CARMIL2: variants seen among roughly 807,000 people sequenced by gnomAD.
CARMIL2 encodes the protein capping protein, Arp2/3 and myosin-I linker protein 2.
Under a neutral mutation model 173.3 loss-of-function variants are expected in CARMIL2, and 96 were observed. The ratio of observed to expected loss-of-function variants is 0.55; its 90% CI spans 0.47 to 0.66. The LOEUF is 0.66. Ranked by LOEUF, CARMIL2 falls within the 30% of genes least tolerant of loss-of-function variation. The probability of loss-of-function intolerance (pLI) is 0.00; values close to 1 mark genes in which losing one functional copy is unlikely to be tolerated. For missense variants in CARMIL2, 1,771 were observed against 1,906.7 expected (o/e 0.93, Z 1.33); for synonymous variants, 830 against 817.1 (o/e 1.02, Z -0.27).
chr16:67,652,653 C>A lies in CARMIL2; in HGVS notation c.2884+115C>A, dbSNP rs2052748928. On this transcript the variant is annotated intron_variant, in intron 28 of 37. Coordinates refer to ENST00000334583, the MANE Select transcript of CARMIL2 (RefSeq NM_001013838.3). The surrounding 1 kb of genome is among the most constrained non-coding windows in gnomAD (Gnocchi z 4.7). ...AGCCTTGTCTGGGTACCCACCAGCCCTTGACTGGGCCAGGTCGGGCCCCTT... is the reference window on the plus strand; with the variant it reads ...AGCCTTGTCTGGGTACCCACCAGCCATTGACTGGGCCAGGTCGGGCCCCTT... 9.6e-7 allele frequency: 1 copy of A among 1,037,506 alleles called. No homozygotes were observed. The highest frequency in any genetic ancestry group is 2.6e-5 in the East Asian group (1 of 38,660). 64.3% of individuals were successfully genotyped at this position (1,037,506 alleles called of 1,614,324 possible).
chr16:67,657,505 G>A lies in CARMIL2; in HGVS notation c.4295G>A (p.Gly1432Asp), dbSNP rs200217509. ...PSPATDQRGGGPNP is the reference protein window; with the variant it reads ...PSPATDQRGGDPNP ...CCAGCCACAGACCAAAGAGGCGGCG[G>A]CCCCAATCCCTGATCCTCTCCTCTC... Residue 1432 changes from glycine (G) to aspartate (D), a missense_variant, in exon 38 of 38, where the codon GGC (glycine) becomes GAC (aspartate). Physicochemically the swap from Gly to Asp is moderately conservative, Grantham distance 94 (BLOSUM62 -1). Around this residue, in one of 3 missense-constraint regions of CARMIL2, gnomAD observed 817 missense variants for 903.5 expected, o/e 0.90. Transcript: ENST00000334583. This position sits in a 1 kb window ranked among gnomAD's most constrained non-coding sequence, Gnocchi z 4.5. The A allele has an allele frequency of 2.4e-5, 39 of 1,613,188 alleles. No homozygotes were observed. The East Asian group carries it at 8.5e-4, about 35-fold the overall frequency.
In CARMIL2 at chr16:67,648,790, G is replaced by T; in HGVS notation, c.1509+36G>T. 1 of 1,576,984 alleles carries T rather than the reference G, an allele frequency of 6.3e-7. No homozygotes were observed. Among genetic ancestry groups the T allele is most frequent in the Non-Finnish European group, 8.6e-7 (1 of 1,162,020 alleles). ...GCCCCCAGAAGAGACCACACATTGG[G>T]AGAGGCGCTGGGAGGCGGAAGGGCA... On this transcript the variant is annotated intron_variant, in intron 16 of 37. Transcript: ENST00000334583. The surrounding 1 kb of genome is among the most constrained non-coding windows in gnomAD (Gnocchi z 6.1).
In CARMIL2 at chr16:67,654,093, G is replaced by C. The variant is rs867897872; in HGVS notation, c.3121-56G>C. 1.2e-4 allele frequency: 123 copies of C among 1,068,994 alleles called. 3 individuals are homozygous for C. The highest frequency in any genetic ancestry group is 9.0e-4 in the South Asian group (56 of 61,964). 66.2% of individuals were successfully genotyped at this position (1,068,994 alleles called of 1,614,324 possible). On this transcript the variant is annotated intron_variant, in intron 29 of 37. Transcript: ENST00000334583. The stretch of plus-strand genomic sequence containing the variant: ...CAGGCTGCCGGCCGGGGGGGGGGGG[G>C]GGTAGAAGCCAGAGTTGCACTCAAC...
At position 67,648,216 on chromosome 16, in the gene CARMIL2, A is replaced by G. The variant is rs953011455; in HGVS notation, c.1236A>G (p.Val412=). 6.2e-7 allele frequency: 1 copy of G among 1,603,410 alleles called. No homozygotes were observed. Among genetic ancestry groups the G allele is most frequent in the Non-Finnish European group, 8.5e-7 (1 of 1,176,176 alleles). The change falls in exon 14 of 38, where the codon GTA becomes GTG. Residue 412 remains valine, a synonymous_variant. Transcript: ENST00000334583. The surrounding 1 kb of genome is among the most constrained non-coding windows in gnomAD (Gnocchi z 6.1). ...GAGGGCTCGGTCCCCCCGCGGGTGT[A>G]GCCAACAGCCTCCCCCCGCAGCTCT... ...GRGGLGPPAG[V]ANSLPPQLFA... is the part of the protein sequence containing the mutation.
chr16:67,646,399 G>GC lies in CARMIL2; in HGVS notation c.375-22dup. On this transcript the variant is annotated intron_variant, in intron 5 of 37. Transcript: ENST00000334583. This position sits in a 1 kb window ranked among gnomAD's most constrained non-coding sequence, Gnocchi z 4.6. ...CCATCCCAGAGGCTGGAAGTCCTTTGCCCCCTTCTCCTTAACCCCCTACCA... is the reference window on the plus strand; with the variant it reads ...CCATCCCAGAGGCTGGAAGTCCTTTGCCCCCCTTCTCCTTAACCCCCTACCA... 10 of 1,609,556 alleles carry GC rather than the reference G, an allele frequency of 6.2e-6. No homozygotes were observed. Among genetic ancestry groups the GC allele is most frequent in the Non-Finnish European group, 8.5e-6 (10 of 1,177,134 alleles).
rs1469876755 is a variant in CARMIL2 at position 67,645,210 on chromosome 16, G to A, written c.-37G>A. 2.6e-6 allele frequency: 4 copies of A among 1,540,588 alleles called. No individual in the cohort carries two copies. Among genetic ancestry groups the A allele is most frequent in the South Asian group, 2.4e-5 (2 of 84,288 alleles). ...GCGCGCTCGTCCTCTGCTGTTTCCC[G>A]CCGGAGCTCGTTGGGCCTCCCCGGC... is the stretch of plus-strand genomic sequence containing the variant. On this transcript the variant is annotated 5_prime_UTR_variant, in exon 1 of 38. Transcript: ENST00000334583.
In CARMIL2 at chr16:67,653,968, G is replaced by T. The variant is rs2052779433; in HGVS notation, c.3121-181G>T. Among the ~76,000 whole-genome samples, 1 of 151,978 alleles carries T rather than the reference G, an allele frequency of 6.6e-6. No individual in the cohort carries two copies. The highest frequency in any genetic ancestry group is 2.4e-5 in the African/African-American group (1 of 41,372). ...CGGGAGCCAGCAGCGAGTGAGGAGTGCGTGAAATCTGGAGTCTCTGTCCAG... is the reference window on the plus strand; with the variant it reads ...CGGGAGCCAGCAGCGAGTGAGGAGTTCGTGAAATCTGGAGTCTCTGTCCAG... On this transcript the variant is annotated intron_variant, in intron 29 of 37. Transcript: ENST00000334583. The surrounding 1 kb of genome is among the most constrained non-coding windows in gnomAD (Gnocchi z 7.4).
Position 67,654,261 on chromosome 16 carries a change from G to T in CARMIL2, c.3221+12G>T, listed in dbSNP as rs1431108370. 3.2e-6 allele frequency: 5 copies of T among 1,559,138 alleles called. No individual in the cohort carries two copies. The highest frequency in any genetic ancestry group is 4.4e-6 in the Non-Finnish European group (5 of 1,146,966). The stretch of plus-strand genomic sequence containing the variant: ...CAGCAGGATCGCCTGTGAGTGAGGG[G>T]CATCTGCTGGGGGTGGGAGAGGGTG... On this transcript the variant is annotated intron_variant, in intron 30 of 37. Coordinates refer to ENST00000334583, the MANE Select transcript of CARMIL2 (RefSeq NM_001013838.3).
Position 67,657,098 on chromosome 16 carries a change from G to T in CARMIL2, c.4118-141G>T. ...GAAGAGCAGCCTCTGCCAGGGGTGAGGACGCAGGGACGGGGGATGCTCTGA... is the reference window on the plus strand; with the variant it reads ...GAAGAGCAGCCTCTGCCAGGGGTGATGACGCAGGGACGGGGGATGCTCTGA... On this transcript the variant is annotated intron_variant, in intron 36 of 37. Transcript: ENST00000334583. This position sits in a 1 kb window ranked among gnomAD's most constrained non-coding sequence, Gnocchi z 4.5. 1.2e-6 allele frequency: 1 copy of T among 832,512 alleles called. No individual in the cohort carries two copies. Among genetic ancestry groups the T allele is most frequent in the Non-Finnish European group, 1.9e-6 (1 of 516,802 alleles). 51.6% of individuals were successfully genotyped at this position (832,512 alleles called of 1,614,324 possible). A position where few individuals can be genotyped will look rare whatever the true frequency, so the allele number is the denominator to read the frequency against.
Position 67,649,790 on chromosome 16 carries a change from G to A in CARMIL2, c.1920-16G>A. On this transcript the variant is annotated splice_polypyrimidine_tract_variant and intron_variant, in intron 20 of 37. Coordinates refer to ENST00000334583, the MANE Select transcript of CARMIL2 (RefSeq NM_001013838.3). This position sits in a 1 kb window ranked among gnomAD's most constrained non-coding sequence, Gnocchi z 6.7. ...TTGGGAAGCTCCGTCCCCGACTGAA[G>A]CCAGGCCCGGCCCAGGTCTGTGGTC... The A allele has an allele frequency of 6.2e-7, 1 of 1,605,926 alleles. No homozygotes were observed. Among genetic ancestry groups the A allele is most frequent in the Admixed American group, 1.7e-5 (1 of 59,762 alleles).
chr16:67,649,510 G>T lies in CARMIL2; in HGVS notation c.1810G>T (p.Ala604Ser). 6.2e-7 allele frequency: 1 copy of T among 1,608,828 alleles called. No homozygotes were observed. Residue 604 changes from alanine to serine, a missense_variant, in exon 20 of 38, where the codon GCC (alanine) becomes TCC (serine). By Grantham distance (99) the Ala-to-Ser change is moderately conservative (BLOSUM62 1). Transcript: ENST00000334583. This position sits in a 1 kb window ranked among gnomAD's most constrained non-coding sequence, Gnocchi z 6.7. ...LKLGASVLLRALATNPNLTAL... is the reference protein window; with the variant it reads ...LKLGASVLLRSLATNPNLTAL... Reference sequence around the variant, plus strand: ...GCTGGGTGCCAGCGTCCTACTCCGGGCCCTAGCCACCAATCCTAACCTGAC... The same window carrying T: ...GCTGGGTGCCAGCGTCCTACTCCGGTCCCTAGCCACCAATCCTAACCTGAC...
intron 3 of CARMIL2, 39 bp downstream of exon 3, chr16:67,645,816 A>G (rs1431942905): frequency 1.2e-6 from 2 of 1,607,628 alleles, no homozygotes; most frequent in Non-Finnish European, 1.7e-6. Flanking sequence ...GCCCGCCAGC[A>G]GCTACCTTGG....
rs1272309456 is a variant in CARMIL2 at position 67,646,699 on chromosome 16, CT to C, written c.467-14del. On this transcript the variant is annotated splice_polypyrimidine_tract_variant and intron_variant, in intron 6 of 37. Coordinates refer to ENST00000334583, the MANE Select transcript of CARMIL2 (RefSeq NM_001013838.3). The surrounding 1 kb of genome is among the most constrained non-coding windows in gnomAD (Gnocchi z 4.6). ...CTCTCTCCTTTTCCACATCGCACCC[CT>C]ATCCCCTCCCCAGGTGGCTTCTTGG... 2.5e-6 allele frequency: 4 copies of C among 1,613,650 alleles called. No homozygotes were observed. Among genetic ancestry groups the C allele is most frequent in the Non-Finnish European group, 3.4e-6 (4 of 1,179,580 alleles).
Position 67,651,621 on chromosome 16 carries a change from GC to G in CARMIL2, c.2428-62del. ...GACTCAATATTCTGTTGGAGTTGGA[GC>G]CTCAAGCCAGCAGCCTGGTGTCTGG... On this transcript the variant is annotated intron_variant, in intron 24 of 37. Transcript: ENST00000334583. The surrounding 1 kb of genome is among the most constrained non-coding windows in gnomAD (Gnocchi z 4.2). The G allele has an allele frequency of 6.3e-7, 1 of 1,578,270 alleles. No individual in the cohort carries two copies. The highest frequency in any genetic ancestry group is 8.6e-7 in the Non-Finnish European group (1 of 1,162,864).
rs759586582 is a variant in CARMIL2, at chr16:67,654,616, C to T, written c.3506C>T (p.Thr1169Ile). The T allele has an allele frequency of 4.4e-6, 7 of 1,599,698 alleles. No homozygotes were observed. The highest frequency in any genetic ancestry group is 1.7e-5 in the Admixed American group (1 of 58,530). ...DPAGRSRPRY[T>I]RDSKAYSMIL... ...GCCGGCAGGAGCCGACCTCGCTACACAAGAGATAGCAAGGCCTACTCGATG... is the reference window on the plus strand; with the variant it reads ...GCCGGCAGGAGCCGACCTCGCTACATAAGAGATAGCAAGGCCTACTCGATG... Residue 1169 changes from threonine to isoleucine, a missense_variant, in exon 31 of 38, where the codon ACA becomes ATA. Transcript: ENST00000334583.
intron 1 of CARMIL2, 81 bp from the exon 2 acceptor site, chr16:67,645,459 G>A: frequency 2.1e-6 from 3 of 1,424,806 alleles, no homozygotes; most frequent in Non-Finnish European, 2.9e-6. Flanking sequence ...TAAGCCCCAG[G>A]GCCCCAGCCT....
Position 67,649,202 on chromosome 16 carries a change from C to T in CARMIL2, c.1688+30C>T, listed in dbSNP as rs2052665887. Reference sequence around the variant, plus strand: ...GCCCCCACCCTACTCCTGGGCCTCCCAGACAACACCCCACCACCCCTGTCC... The same window carrying T: ...GCCCCCACCCTACTCCTGGGCCTCCTAGACAACACCCCACCACCCCTGTCC... On this transcript the variant is annotated intron_variant, in intron 18 of 37. Coordinates refer to ENST00000334583, the MANE Select transcript of CARMIL2 (RefSeq NM_001013838.3). This position sits in a 1 kb window ranked among gnomAD's most constrained non-coding sequence, Gnocchi z 6.7. The T allele has an allele frequency of 6.2e-7, 1 of 1,612,786 alleles. No homozygotes were observed. The highest frequency in any genetic ancestry group is 1.1e-5 in the South Asian group (1 of 90,964).
intron 32 of CARMIL2, among the ~76,000 whole-genome samples, chr16:67,655,817 C>A (rs903488679): frequency 6.6e-6 from 1 of 152,012 alleles, no homozygotes; most frequent in Non-Finnish European, 1.5e-5. Flanking sequence ...TCTTAAAAAA[C>A]AAAAAACAAA....
Position 67,657,325 on chromosome 16 carries a change from G to T in CARMIL2, c.4195+9G>T. On this transcript the variant is annotated intron_variant, in intron 37 of 37. Transcript: ENST00000334583. This position sits in a 1 kb window ranked among gnomAD's most constrained non-coding sequence, Gnocchi z 4.5. Reference sequence around the variant, plus strand: ...TCCATCCCCAAGCCTAGGTAAGAGGGGGTCCAGGCCAGCTGGGAGGGTGGC... The same window carrying T: ...TCCATCCCCAAGCCTAGGTAAGAGGTGGTCCAGGCCAGCTGGGAGGGTGGC... 6.2e-7 allele frequency: 1 copy of T among 1,613,482 alleles called. No individual in the cohort carries two copies. The highest frequency in any genetic ancestry group is 8.5e-7 in the Non-Finnish European group (1 of 1,179,742).
Sources: allele counts gnomAD v4.1 joint callset (sites outside exome capture counted in the v4.1 genomes callset), GRCh38; gene constraint gnomAD v4.1.1; regional missense constraint gnomAD v4.1.1; non-coding constraint Gnocchi (gnomAD v3.1); transcripts MANE v1.5; gene names NCBI Gene and HGNC (gene_info 2026-07-23, HGNC 2026-07-21).